COBL: variants seen among roughly 807,000 people sequenced by gnomAD.
COBL encodes cordon-bleu WH2 repeat protein.
Under a neutral mutation model 98.8 loss-of-function variants are expected in COBL, and 51 were observed. That is an observed-to-expected ratio of 0.52 (90% confidence interval 0.41 to 0.65). COBL has a LOEUF of 0.65. Ranked by LOEUF, COBL falls within the 30% of genes least tolerant of loss-of-function variation. COBL has a pLI of 0.00. For synonymous variants in COBL, 634 were observed against 651.7 expected (o/e 0.97, Z 0.41); for missense variants, 1,617 against 1,617.5 (o/e 1.00, Z 0.01).
intron 7 of COBL, among the ~76,000 whole-genome samples, chr7:51,063,194 G>C (rs1490822731): frequency 1.3e-5 from 2 of 150,420 alleles, no homozygotes; most frequent in Non-Finnish European, 2.9e-5. Flanking sequence ...GAGTACAATG[G>C]CGTGATCTTG....
At chr7:51,122,164 C>T (rs116782448) in intron 6 of COBL, among the ~76,000 whole-genome samples, 3,379 of 152,306 alleles carry the variant, frequency 0.022, 119 homozygotes, top group African/African-American at 0.072. Context: ...CTTCAAACAA[C>T]ACTTGCTTCT....
At chr7:51,088,747 CA>C (rs1367451164) in intron 6 of COBL, among the ~76,000 whole-genome samples, 1 of 152,186 alleles carries the variant, frequency 6.6e-6, no homozygotes, top group Non-Finnish European at 1.5e-5. Flanking sequence ...GGCAGAAATG[CA>C]GTAGCTGAGA....
At position 51,064,922 on chromosome 7, in the gene COBL, G is replaced by T; in HGVS notation, c.1096+20244C>A. ...CTGCTGCCTGGAAAGGATGCAGTGC[G>T]GTCTGTGGTGACGGGTTCATATTCA... On this transcript the variant is annotated intron_variant, in intron 7 of 12. Transcript: ENST00000265136. 5.3e-6 allele frequency: 3 copies of T among 566,572 alleles called. No individual in the cohort carries two copies. The Admixed American group carries it at 9.3e-5, about 18-fold the overall frequency. The allele number at this position is 566,572 out of a possible 1,614,324, so 35.1% of individuals were successfully genotyped here.
intron 1 of COBL, among the ~76,000 whole-genome samples, chr7:51,309,078 T>C (rs997674584): frequency 6.6e-6 from 1 of 152,144 alleles, no homozygotes; most frequent in East Asian, 1.9e-4. Context: ...CACATACCCA[T>C]CTGCACACTT....
intron 1 of COBL, among the ~76,000 whole-genome samples, chr7:51,265,913 C>T (rs1798159093): frequency 6.6e-6 from 1 of 152,132 alleles, no homozygotes; most frequent in African/African-American, 2.4e-5. Context: ...AAAGTTACAG[C>T]CAGATGTGAT....
At chr7:51,139,845 A>T (rs771427087) in intron 5 of COBL, among the ~76,000 whole-genome samples, 1 of 152,200 alleles carries the variant, frequency 6.6e-6, no homozygotes, top group Non-Finnish European at 1.5e-5. Context: ...AGCTTAATGC[A>T]TGCAGTCTGG....
At chr7:51,265,186 G>A (rs1271177106) in intron 1 of COBL, among the ~76,000 whole-genome samples, 2 of 152,176 alleles carry the variant, frequency 1.3e-5, no homozygotes, top group East Asian at 3.9e-4. Context: ...TAACAACCGC[G>A]TGCTCATCTG....
intron 2 of COBL, among the ~76,000 whole-genome samples, chr7:51,202,364 A>C (rs1266094456): frequency 6.6e-6 from 1 of 152,246 alleles, no homozygotes; most frequent in African/African-American, 2.4e-5. Flanking sequence ...GATAACTATT[A>C]TAACAATATG....
chr7:51,198,785 C>A (rs1790830040), intron 2 of COBL, among the ~76,000 whole-genome samples: 1 of 152,194 alleles, frequency 6.6e-6, no homozygotes, highest in Non-Finnish European at 1.5e-5. Context: ...AACAGGAAGT[C>A]TCTGGCTCAT....
intron 7 of COBL, among the ~76,000 whole-genome samples, chr7:51,084,010 C>A (rs1056985108): frequency 6.6e-6 from 1 of 152,110 alleles, no homozygotes; most frequent in East Asian, 1.9e-4. Flanking sequence ...GGGCTCTTCA[C>A]GAAACAGGAG....
At position 51,191,159 on chromosome 7, in the gene COBL, G is replaced by C. The variant is rs1790083480; in HGVS notation, c.457-81C>G. On this transcript the variant is annotated intron_variant, in intron 3 of 12. Coordinates refer to ENST00000265136, the MANE Select transcript of COBL (RefSeq NM_015198.5). ...AACTCTTGTGTCAATTTGACAATTG[G>C]GTGTGGCAGGATTGTGTGTAGCCTG... 4.8e-6 allele frequency: 6 copies of C among 1,250,886 alleles called. No individual in the cohort carries two copies. In the Admixed American group the frequency reaches 1.2e-4, roughly 25 times the overall value. 77.5% of individuals were successfully genotyped at this position (1,250,886 alleles called of 1,614,324 possible).
At chr7:51,098,897 T>A (rs1716971301) in intron 6 of COBL, among the ~76,000 whole-genome samples, 1 of 152,022 alleles carries the variant, frequency 6.6e-6, no homozygotes, top group African/African-American at 2.4e-5. Flanking sequence ...ATAAAGAGCA[T>A]CAAGTCAACA....
At chr7:51,097,570 C>T (rs1000638607) in intron 6 of COBL, among the ~76,000 whole-genome samples, 1 of 152,084 alleles carries the variant, frequency 6.6e-6, no homozygotes, top group Non-Finnish European at 1.5e-5. Flanking sequence ...GACAAAAATG[C>T]TGTTAGAACT....
At chr7:51,283,080 C>T (rs1171516430) in intron 1 of COBL, among the ~76,000 whole-genome samples, 2 of 152,156 alleles carry the variant, frequency 1.3e-5, no homozygotes, top group African/African-American at 4.8e-5. Flanking sequence ...GAGGAAAATT[C>T]TCAAACTAAT....
chr7:51,065,283 C>G (rs1475010476), intron 7 of COBL: 5 of 703,392 alleles, frequency 7.1e-6, no homozygotes, highest in Non-Finnish European at 1.3e-5. Flanking sequence ...TGAGCAGTGA[C>G]TGGGGAAATG....
intron 5 of COBL, among the ~76,000 whole-genome samples, chr7:51,171,759 A>G (rs547905961): frequency 3.0e-4 from 46 of 152,312 alleles, no homozygotes; most frequent in South Asian, 8.3e-4. Flanking sequence ...ATTTTATAAC[A>G]TATTTTACTT....
chr7:51,244,096 C>A (rs1220929868), intron 1 of COBL, among the ~76,000 whole-genome samples: 1 of 152,194 alleles, frequency 6.6e-6, no homozygotes, highest in Non-Finnish European at 1.5e-5. Flanking sequence ...TCCTCTCCAG[C>A]ACAGTTTTCT....
chr7:51,258,299 G>C (rs1372957715), intron 1 of COBL, among the ~76,000 whole-genome samples: 1 of 152,060 alleles, frequency 6.6e-6, no homozygotes, highest in Non-Finnish European at 1.5e-5. Flanking sequence ...CAAAGCCCCA[G>C]GAATCTCCAG....
At chr7:51,207,048 T>C (rs1791802524) in intron 2 of COBL, among the ~76,000 whole-genome samples, 1 of 152,142 alleles carries the variant, frequency 6.6e-6, no homozygotes, top group Admixed American at 6.5e-5. Flanking sequence ...CACACACAAG[T>C]CTGTAAAGTG....
Sources: allele counts gnomAD v4.1 joint callset (sites outside exome capture counted in the v4.1 genomes callset), GRCh38; gene constraint gnomAD v4.1.1; transcripts MANE v1.5; gene names NCBI Gene and HGNC (gene_info 2026-07-23, HGNC 2026-07-21).